RUNX1: variants seen among roughly 807,000 people sequenced by gnomAD.
The protein encoded by RUNX1 is runt-related transcription factor 1.
Under a neutral mutation model 42.8 loss-of-function variants are expected in RUNX1, and 19 were observed. The observed-to-expected ratio is 0.44, with a 90% CI of 0.31 to 0.65. The LOEUF (loss-of-function observed/expected upper bound fraction) is 0.65, where lower values mean the gene tolerates loss of function less well. Among genes scored for constraint, RUNX1 ranks in the 30% least tolerant of loss-of-function variants. RUNX1 has a pLI of 0.07. For missense variants in RUNX1, 528 were observed against 672.0 expected (o/e 0.79, Z 2.37); for synonymous variants, 271 against 289.4 (o/e 0.94, Z 0.64).
intron 5 of RUNX1, among the ~76,000 whole-genome samples, chr21:34,865,864 T>G (rs1182388316): frequency 6.6e-6 from 1 of 152,180 alleles, no homozygotes; most frequent in East Asian, 1.9e-4. Flanking sequence ...CAAAAAGACA[T>G]GCAGCTCGGG....
intron 2 of RUNX1, among the ~76,000 whole-genome samples, chr21:34,991,957 T>G (rs2058946504): frequency 6.6e-6 from 1 of 152,130 alleles, no homozygotes; most frequent in Admixed American, 6.5e-5. Flanking sequence ...TGGCAACTGC[T>G]GTAAGGTAGA....
intron 2 of RUNX1, among the ~76,000 whole-genome samples, chr21:35,022,338 G>A (rs560465894): frequency 2.9e-4 from 44 of 152,294 alleles, no homozygotes; most frequent in African/African-American, 1.0e-3. Flanking sequence ...GATGGAGTCC[G>A]CTGGTTTTCT....
intron 2 of RUNX1, chr21:35,038,389 C>T (rs2146996573): frequency 2.7e-6 from 1 of 372,448 alleles, no homozygotes; most frequent in Non-Finnish European, 5.3e-6. Flanking sequence ...GGAGTTTACA[C>T]TTCAACATGG....
intron 2 of RUNX1, among the ~76,000 whole-genome samples, chr21:34,906,671 T>C (rs2058222448): frequency 6.6e-6 from 1 of 152,192 alleles, no homozygotes; most frequent in Non-Finnish European, 1.5e-5. Context: ...AAAAAGGCTG[T>C]TCTTCATAGT....
At chr21:34,795,463 C>G (rs2056513376) in intron 8 of RUNX1, among the ~76,000 whole-genome samples, 1 of 152,166 alleles carries the variant, frequency 6.6e-6, no homozygotes, top group Non-Finnish European at 1.5e-5. Context: ...TGAGGGGATA[C>G]ACTCCTCATC....
At chr21:34,852,415 A>T (rs561661660) in intron 6 of RUNX1, among the ~76,000 whole-genome samples, 175 of 152,180 alleles carry the variant, frequency 1.1e-3, no homozygotes, top group Non-Finnish European at 1.6e-3. Flanking sequence ...GGAAGTCTGT[A>T]TGCATGTAAA....
chr21:35,023,095 A>G (rs2059211563), intron 2 of RUNX1, among the ~76,000 whole-genome samples: 1 of 151,530 alleles, frequency 6.6e-6, no homozygotes, highest in Non-Finnish European at 1.5e-5. Context: ...GGTGTATGCC[A>G]CCATTCCTGG....
intron 6 of RUNX1, among the ~76,000 whole-genome samples, chr21:34,851,490 T>G (rs1344870887): frequency 6.6e-6 from 1 of 152,258 alleles, no homozygotes; most frequent in Non-Finnish European, 1.5e-5. Context: ...CCCACTGGCC[T>G]GGTGGCACCA....
intron 2 of RUNX1, among the ~76,000 whole-genome samples, chr21:34,951,927 C>T (rs2058611318): frequency 6.6e-6 from 1 of 152,122 alleles, no homozygotes; most frequent in African/African-American, 2.4e-5. Context: ...CACATGCACA[C>T]GTATGTTTCT....
At chr21:34,799,567 G>T in intron 7 of RUNX1, 105 bp from the exon 8 acceptor site, 1 of 983,712 alleles carries the variant, frequency 1.0e-6, no homozygotes, top group Non-Finnish European at 1.6e-6. Flanking sequence ...TCACATACAT[G>T]TATGTGGCCT....
intron 2 of RUNX1, among the ~76,000 whole-genome samples, chr21:34,941,024 A>C (rs907479553): frequency 1.3e-5 from 2 of 152,232 alleles, no homozygotes; most frequent in African/African-American, 4.8e-5. Context: ...ACTTCTATGC[A>C]GAGTATGGAA....
At chr21:34,991,118 C>T (rs1054177936) in intron 2 of RUNX1, among the ~76,000 whole-genome samples, 4 of 152,214 alleles carry the variant, frequency 2.6e-5, no homozygotes, top group African/African-American at 9.7e-5. Context: ...CCTGTCTCCA[C>T]TGCTGCGCTG....
intron 2 of RUNX1, among the ~76,000 whole-genome samples, chr21:34,925,205 G>A (rs2058384095): frequency 6.6e-6 from 1 of 152,150 alleles, no homozygotes; most frequent in Admixed American, 6.5e-5. Flanking sequence ...TTTGGGTTAC[G>A]TATCTGAAAA....
At chr21:34,975,970 T>C (rs1438693256) in intron 2 of RUNX1, among the ~76,000 whole-genome samples, 1 of 152,170 alleles carries the variant, frequency 6.6e-6, no homozygotes, top group Admixed American at 6.5e-5. Context: ...AGTTGAGTTG[T>C]GTTTTATCTG....
At chr21:34,998,035 C>T (rs942154958) in intron 2 of RUNX1, among the ~76,000 whole-genome samples, 3 of 152,162 alleles carry the variant, frequency 2.0e-5, no homozygotes, top group Non-Finnish European at 4.4e-5. Context: ...CTTGCCTCTG[C>T]CTTGCCCTGG....
At chr21:34,893,048 TTTC>T (rs2058098079) in intron 2 of RUNX1, 85 bp from the exon 3 acceptor site, 3 of 836,546 alleles carry the variant, frequency 3.6e-6, no homozygotes, top group Non-Finnish European at 6.1e-6. Flanking sequence ...TGCTAGCTCA[TTTC>T]TTCTTACACT....
rs143834580 is a variant in RUNX1, at chr21:34,896,589, A to G, written c.59-3626T>C. Among the ~76,000 whole-genome samples the G allele has an allele frequency of 8.2e-3, 1,242 of 152,304 alleles. 13 individuals carry two copies. Among genetic ancestry groups the G allele is most frequent in the African/African-American group, 0.028 (1,164 of 41,546 alleles). On this transcript the variant is annotated intron_variant, in intron 2 of 8. Coordinates refer to ENST00000675419, the MANE Select transcript of RUNX1 (RefSeq NM_001754.5). ...TCCCAGCTATTCAGGAGGCTGAGGC[A>G]GGAGAATCACTAGAACCCAGGAGGC...
At chr21:34,963,881 G>A (rs796364306) in intron 2 of RUNX1, among the ~76,000 whole-genome samples, 7 of 152,324 alleles carry the variant, frequency 4.6e-5, no homozygotes, top group African/African-American at 1.7e-4. Context: ...GGAACCCTGA[G>A]CCTGGCACAA....
chr21:34,859,447 G>A (rs757800406), intron 6 of RUNX1, 27 bp downstream of exon 6: 4 of 1,485,110 alleles, frequency 2.7e-6, no homozygotes, highest in Admixed American at 3.3e-5. Flanking sequence ...CCTGGAGGGT[G>A]TACCAGCCCC....
Sources: gnomAD v4.1 joint callset for allele counts (sites outside exome capture counted in the v4.1 genomes callset) on GRCh38, gnomAD v4.1.1 for gene constraint, MANE v1.5 for transcripts, NCBI Gene and HGNC (gene_info 2026-07-23, HGNC 2026-07-21) for gene names.